Variants in IQCH observed in about 807,000 individuals in gnomAD.
The protein encoded by IQCH is IQ motif containing H, also known as IQ domain-containing protein H.
IQCH carries 98 observed loss-of-function variants against 117.0 expected under a neutral mutation model. That is an observed-to-expected ratio of 0.84 (90% CI 0.71 to 0.99). The LOEUF (loss-of-function observed/expected upper bound fraction) is 0.99. IQCH is among the 50% of genes least tolerant of loss of function. The pLI is 0.00. For missense variants in IQCH, 1,102 were observed against 1,243.8 expected, an observed-to-expected ratio of 0.89 and a Z score of 1.72; for synonymous variants, 412 against 448.2, an observed-to-expected ratio of 0.92 and a Z score of 1.02.
At position 67,489,993 on chromosome 15, in the gene IQCH, A is replaced by G; in HGVS notation, c.2800-10A>G. 1 of 1,591,578 alleles carries G rather than the reference A, an allele frequency of 6.3e-7. No homozygotes were observed. Among genetic ancestry groups the G allele is most frequent in the Non-Finnish European group, 8.6e-7 (1 of 1,160,582 alleles). Reference sequence around the variant, plus strand: ...ATACTATTTCTTTTCTCCCCATTCAAATTTTACAGGAAAGGCAAGGAACTG... The same window carrying G: ...ATACTATTTCTTTTCTCCCCATTCAGATTTTACAGGAAAGGCAAGGAACTG... On this transcript the variant is annotated splice_polypyrimidine_tract_variant and intron_variant, in intron 18 of 20. Transcript: ENST00000335894.
intron 3 of IQCH, among the ~76,000 whole-genome samples, chr15:67,269,630 A>G (rs1965817486): frequency 6.6e-6 from 1 of 151,626 alleles, no homozygotes. Flanking sequence ...CCTCTCTTCA[A>G]CCACCCCTCA....
At position 67,453,149 on chromosome 15, in the gene IQCH, A is replaced by G. The variant is rs1287106255; in HGVS notation, c.2506-11978A>G. On this transcript the variant is annotated intron_variant, in intron 16 of 20. Coordinates refer to ENST00000335894, the MANE Select transcript of IQCH (RefSeq NM_001031715.3). This position sits in a 1 kb window ranked among gnomAD's most constrained non-coding sequence, Gnocchi z 5.8. ...GTCTAATTTTTTTTCAAAGCTTTTA[A>G]CTTCTTTGCCATTGGTTCGAATTTC... Among the ~76,000 whole-genome samples the G allele has an allele frequency of 6.6e-6, 1 of 151,928 alleles. No homozygotes were observed. Among genetic ancestry groups the G allele is most frequent in the Non-Finnish European group, 1.5e-5 (1 of 67,984 alleles).
rs1218917447 is a variant in IQCH at position 67,384,277 on chromosome 15, T to C, written c.1373-659T>C. On this transcript the variant is annotated intron_variant, in intron 10 of 20. Transcript: ENST00000335894. The surrounding 1 kb of genome is among the most constrained non-coding windows in gnomAD (Gnocchi z 4.3). ...AAAGTATTTCCGCTGTTGTTTCTTT[T>C]GTGAGAGATTTTTGGACAATAGTAA... Among the ~76,000 whole-genome samples, 1 of 152,158 alleles carries C rather than the reference T, an allele frequency of 6.6e-6. No homozygotes were observed. The highest frequency in any genetic ancestry group is 1.5e-5 in the Non-Finnish European group (1 of 68,024).
At chr15:67,355,492 A>T (rs1969854740) in intron 6 of IQCH, among the ~76,000 whole-genome samples, 1 of 152,114 alleles carries the variant, frequency 6.6e-6, no homozygotes, top group Non-Finnish European at 1.5e-5. Context: ...CTGGAGGCCG[A>T]AGCAGGAGAA....
intron 16 of IQCH, among the ~76,000 whole-genome samples, chr15:67,455,652 C>A (rs1204932983): frequency 2.6e-5 from 4 of 152,188 alleles, no homozygotes; most frequent in Non-Finnish European, 5.9e-5. Context: ...TCATAGGAAT[C>A]TTCCCCAATG....
Position 67,490,144 on chromosome 15 carries a change from G to A in IQCH, c.2861+80G>A. On this transcript the variant is annotated intron_variant, in intron 19 of 20. Coordinates refer to ENST00000335894, the MANE Select transcript of IQCH (RefSeq NM_001031715.3). This position sits in a 1 kb window ranked among gnomAD's most constrained non-coding sequence, Gnocchi z 4.9. ...AACTAACAAGAATGATGCTTCTCATGCATTTTAATCAGCATGCTGATTTAT... is the reference window on the plus strand; with the variant it reads ...AACTAACAAGAATGATGCTTCTCATACATTTTAATCAGCATGCTGATTTAT... The A allele has an allele frequency of 1.1e-6, 1 of 909,362 alleles. No individual in the cohort carries two copies. Among genetic ancestry groups the A allele is most frequent in the Non-Finnish European group, 1.8e-6 (1 of 554,320 alleles). The allele number at this position is 909,362 out of a possible 1,614,324, so 56.3% of individuals were successfully genotyped here.
At chr15:67,318,813 G>C (rs936240070) in intron 4 of IQCH, among the ~76,000 whole-genome samples, 1 of 152,168 alleles carries the variant, frequency 6.6e-6, no homozygotes, top group Non-Finnish European at 1.5e-5. Flanking sequence ...GATGAATGGT[G>C]CCAAGTCACT....
In IQCH at chr15:67,406,595, T is replaced by C. The variant is rs747375022; in HGVS notation, c.2097+6290T>C. The stretch of plus-strand genomic sequence containing the variant: ...TTTGTTTTTGTTTTAATTTTTTTAG[T>C]CTCCTATTCCAGGTTGACATAGTAA... On this transcript the variant is annotated intron_variant, in intron 14 of 20. Transcript: ENST00000335894. The surrounding 1 kb of genome is among the most constrained non-coding windows in gnomAD (Gnocchi z 4.5). 1 of 152,186 alleles carries C rather than the reference T, an allele frequency of 6.6e-6. No homozygotes were observed. The highest frequency in any genetic ancestry group is 1.5e-5 in the Non-Finnish European group (1 of 68,032). 9.4% of individuals were successfully genotyped at this position (152,186 alleles called of 1,614,324 possible).
chr15:67,428,976 C>T (rs2081958561), intron 16 of IQCH, among the ~76,000 whole-genome samples: 1 of 152,072 alleles, frequency 6.6e-6, no homozygotes, highest in Non-Finnish European at 1.5e-5. Context: ...CCAATGAAGG[C>T]ACATGGCCTC....
intron 16 of IQCH, among the ~76,000 whole-genome samples, chr15:67,437,510 C>G (rs1230284800): frequency 6.6e-6 from 1 of 152,142 alleles, no homozygotes; most frequent in African/African-American, 2.4e-5. Flanking sequence ...TTCAACACCC[C>G]TAAAAAATCA....
At position 67,465,823 on chromosome 15, in the gene IQCH, C is replaced by T. The variant is rs1053891023; in HGVS notation, c.2676+526C>T. ...AAGCAGGGCGTGTTGAGTCTAGCTA[C>T]GAAAATGCCACTAACCTGACCCCTC... On this transcript the variant is annotated intron_variant, in intron 17 of 20. Coordinates refer to ENST00000335894, the MANE Select transcript of IQCH (RefSeq NM_001031715.3). The surrounding 1 kb of genome is among the most constrained non-coding windows in gnomAD (Gnocchi z 5.9). Among the ~76,000 whole-genome samples, 1 of 152,148 alleles carries T rather than the reference C, an allele frequency of 6.6e-6. No individual in the cohort carries two copies. The highest frequency in any genetic ancestry group is 1.9e-4 in the East Asian group (1 of 5,184).
rs1009082215 is a variant in IQCH at position 67,359,740 on chromosome 15, A to G, written c.715-107A>G. On this transcript the variant is annotated intron_variant, in intron 7 of 20. Coordinates refer to ENST00000335894, the MANE Select transcript of IQCH (RefSeq NM_001031715.3). This position sits in a 1 kb window ranked among gnomAD's most constrained non-coding sequence, Gnocchi z 4.5. ...GTGGAAAGAGAGAACAGGCTGGCCC[A>G]GCGGGTAAAATGGGGAAGGGGGTGA... 21 of 935,664 alleles carry G rather than the reference A, an allele frequency of 2.2e-5. No individual in the cohort carries two copies. The African/African-American group carries it at 2.4e-4, about 11-fold the overall frequency. The allele number at this position is 935,664 out of a possible 1,614,324, so 58.0% of individuals were successfully genotyped here.
intron 4 of IQCH, among the ~76,000 whole-genome samples, chr15:67,317,611 C>A (rs1226129494): frequency 1.3e-5 from 2 of 152,178 alleles, no homozygotes; most frequent in African/African-American, 4.8e-5. Flanking sequence ...ATATGGTATA[C>A]CTTGAATTGA....
chr15:67,315,259 G>A (rs1316443120), intron 4 of IQCH, among the ~76,000 whole-genome samples: 1 of 152,168 alleles, frequency 6.6e-6, no homozygotes, highest in Non-Finnish European at 1.5e-5. Flanking sequence ...AGGCTGCTTA[G>A]TGAACAGGGA....
At chr15:67,448,910 G>A (rs1293151163) in intron 16 of IQCH, among the ~76,000 whole-genome samples, 1 of 152,142 alleles carries the variant, frequency 6.6e-6, no homozygotes, top group Non-Finnish European at 1.5e-5. Context: ...ACTAATGATC[G>A]CCATTCTAAC....
At chr15:67,277,321 C>T (rs780448894) in intron 3 of IQCH, among the ~76,000 whole-genome samples, 11 of 152,044 alleles carry the variant, frequency 7.2e-5, no homozygotes, top group Non-Finnish European at 1.2e-4. Context: ...TTCTGATATT[C>T]GCTTTGTCTC....
At position 67,342,554 on chromosome 15, in the gene IQCH, A is replaced by T. The variant is rs192325736; in HGVS notation, c.509-1509A>T. On this transcript the variant is annotated intron_variant, in intron 5 of 20. Transcript: ENST00000335894. The surrounding 1 kb of genome is among the most constrained non-coding windows in gnomAD (Gnocchi z 4.7). ...CTTGAAATGAAAAATATATTAAATT[A>T]TAAGGAGACCTGTTTTTCACATCTG... Among the ~76,000 whole-genome samples, 2 of 152,314 alleles carry T rather than the reference A, an allele frequency of 1.3e-5. No homozygotes were observed. Among genetic ancestry groups the T allele is most frequent in the Admixed American group, 6.5e-5 (1 of 15,294 alleles).
rs771132468 is a variant in IQCH, at chr15:67,463,349, T to G, written c.2506-1778T>G. Among the ~76,000 whole-genome samples the G allele has an allele frequency of 6.6e-6, 1 of 152,246 alleles. No homozygotes were observed. Among genetic ancestry groups the G allele is most frequent in the Non-Finnish European group, 1.5e-5 (1 of 68,034 alleles). ...GACATTTTCATGGCATGTCTTATAT[T>G]AAACACAAACATGTTCTGATCCTCT... On this transcript the variant is annotated intron_variant, in intron 16 of 20. Transcript: ENST00000335894. This position sits in a 1 kb window ranked among gnomAD's most constrained non-coding sequence, Gnocchi z 4.0.
At chr15:67,266,190 A>G (rs1198059458) in intron 3 of IQCH, among the ~76,000 whole-genome samples, 3 of 151,002 alleles carry the variant, frequency 2.0e-5, no homozygotes, top group African/African-American at 4.8e-5. Flanking sequence ...ATGTACCAAC[A>G]TATAAATTTT....
Sources: allele counts gnomAD v4.1 joint callset (sites outside exome capture counted in the v4.1 genomes callset), GRCh38; gene constraint gnomAD v4.1.1; non-coding constraint Gnocchi (gnomAD v3.1); transcripts MANE v1.5; gene names NCBI Gene and HGNC (gene_info 2026-07-23, HGNC 2026-07-21).